GSK3B: variants seen among roughly 807,000 people sequenced by gnomAD.
GSK3B encodes glycogen synthase kinase 3 beta.
In GSK3B, 15 loss-of-function variants were observed where a neutral mutation model predicts 56.4. That is an observed-to-expected ratio of 0.27 (90% CI 0.18 to 0.41). GSK3B has a LOEUF of 0.41. GSK3B is among the 10% of genes least tolerant of loss of function. The pLI is 1.00. For missense variants in GSK3B, 300 were observed against 513.4 expected, an observed-to-expected ratio of 0.58 and a Z score of 4.02; for synonymous variants, 181 against 188.9, an observed-to-expected ratio of 0.96 and a Z score of 0.34.
At chr3:120,071,190 C>T (rs1390269161) in intron 1 of GSK3B, among the ~76,000 whole-genome samples, 1 of 152,194 alleles carries the variant, frequency 6.6e-6, no homozygotes. Flanking sequence ...GGCCAAAGGA[C>T]TTTCACATCG....
chr3:120,044,001 C>T (rs980921369), intron 1 of GSK3B, among the ~76,000 whole-genome samples: 12 of 152,186 alleles, frequency 7.9e-5, no homozygotes, highest in Non-Finnish European at 4.4e-5. Context: ...AAATTCTGTC[C>T]GCACATTAAA....
intron 1 of GSK3B, among the ~76,000 whole-genome samples, chr3:120,017,985 C>G (rs985684148): frequency 6.6e-6 from 1 of 152,208 alleles, no homozygotes; most frequent in Non-Finnish European, 1.5e-5. Context: ...GTCAATTCAA[C>G]AGATTGAGAA....
intron 1 of GSK3B, among the ~76,000 whole-genome samples, chr3:120,072,954 A>G (rs2058338378): frequency 6.6e-6 from 1 of 152,184 alleles, no homozygotes; most frequent in Non-Finnish European, 1.5e-5. Context: ...GTACATTCGC[A>G]TACTCTTAGG....
intron 1 of GSK3B, among the ~76,000 whole-genome samples, chr3:120,070,730 A>G (rs776133990): frequency 2.7e-4 from 41 of 152,180 alleles, no homozygotes; most frequent in Non-Finnish European, 5.1e-4. Flanking sequence ...TTCTTCCCTA[A>G]GTAGGGCAGC....
intron 3 of GSK3B, among the ~76,000 whole-genome samples, chr3:119,945,198 T>C (rs922485211): frequency 3.3e-5 from 5 of 152,206 alleles, no homozygotes; most frequent in African/African-American, 9.6e-5. Flanking sequence ...ATTTCCTTTA[T>C]TGACAAAGAA....
At chr3:119,888,437 G>A (rs1224637690) in intron 7 of GSK3B, among the ~76,000 whole-genome samples, 1 of 151,158 alleles carries the variant, frequency 6.6e-6, no homozygotes. Context: ...ACATTTATCA[G>A]TTCCCCAAAT....
intron 3 of GSK3B, among the ~76,000 whole-genome samples, chr3:119,928,101 G>C (rs980730180): frequency 2.0e-5 from 3 of 152,202 alleles, no homozygotes; most frequent in Non-Finnish European, 1.5e-5. Flanking sequence ...CAAGTGAGCA[G>C]GTGGCAGATG....
intron 8 of GSK3B, among the ~76,000 whole-genome samples, chr3:119,875,158 C>T (rs1443723520): frequency 6.6e-6 from 1 of 151,976 alleles, no homozygotes; most frequent in Non-Finnish European, 1.5e-5. Flanking sequence ...ATAATTCTGG[C>T]ACTAAAATAC....
intron 7 of GSK3B, among the ~76,000 whole-genome samples, chr3:119,887,870 A>G (rs2056456574): frequency 6.6e-6 from 1 of 152,150 alleles, no homozygotes; most frequent in Non-Finnish European, 1.5e-5. Context: ...CACATTATAG[A>G]CAGGGTATAT....
intron 8 of GSK3B, among the ~76,000 whole-genome samples, chr3:119,871,259 A>G (rs1296689420): frequency 6.6e-6 from 1 of 152,222 alleles, no homozygotes; most frequent in Non-Finnish European, 1.5e-5. Flanking sequence ...AGCCAGTTAG[A>G]AACACTAGTA....
Position 120,051,013 on chromosome 3 carries a change from T to TG in GSK3B, c.88+42333dup, listed in dbSNP as rs754378497. ...GAAAAGCAGTTTGAGTGAAGTGTTA[T>TG]GGGTCACTGTAGCTAAATTAAACTA... is the stretch of plus-strand genomic sequence containing the variant. On this transcript the variant is annotated intron_variant, in intron 1 of 10. Transcript: ENST00000264235. Among the ~76,000 whole-genome samples the TG allele has an allele frequency of 3.9e-4, 59 of 152,238 alleles. 1 individual carries two copies. Among genetic ancestry groups the TG allele is most frequent in the Middle Eastern group, 3.4e-3 (1 of 294 alleles).
intron 1 of GSK3B, among the ~76,000 whole-genome samples, chr3:120,006,741 A>G (rs764365007): frequency 7.9e-5 from 12 of 152,216 alleles, no homozygotes; most frequent in Non-Finnish European, 1.8e-4. Flanking sequence ...AACATACCAG[A>G]ATCTCTGGAA....
intron 1 of GSK3B, among the ~76,000 whole-genome samples, chr3:120,082,212 G>C (rs1364303131): frequency 6.6e-6 from 1 of 151,660 alleles, no homozygotes; most frequent in Admixed American, 6.6e-5. Flanking sequence ...AAAAACAAAG[G>C]CATAAATCAA....
chr3:119,833,675 T>C (rs1049538798), intron 10 of GSK3B, among the ~76,000 whole-genome samples: 10 of 150,776 alleles, frequency 6.6e-5, no homozygotes, highest in Non-Finnish European at 1.3e-4. Context: ...TAAGTACACT[T>C]GGAAACATTA....
At chr3:119,968,682 A>T (rs1216021578) in intron 2 of GSK3B, among the ~76,000 whole-genome samples, 1 of 152,234 alleles carries the variant, frequency 6.6e-6, no homozygotes. Context: ...GCTACAAAGC[A>T]AAATTGTGTA....
At chr3:120,059,267 C>G (rs1251731318) in intron 1 of GSK3B, among the ~76,000 whole-genome samples, 1 of 152,176 alleles carries the variant, frequency 6.6e-6, no homozygotes, top group Non-Finnish European at 1.5e-5. Flanking sequence ...AAGCAGCACT[C>G]TGGAACAAAC....
chr3:120,093,454 C>T lies in GSK3B; in HGVS notation c.-20G>A. ...TGACATGATCACTCTCTTCGCGAAT[C>T]ACCTTTTCCTTCCTTCCTCCTTTTC... On this transcript the variant is annotated 5_prime_UTR_variant, in exon 1 of 11. Coordinates refer to ENST00000264235, the MANE Select transcript of GSK3B (RefSeq NM_001146156.2). 6.5e-7 allele frequency: 1 copy of T among 1,537,556 alleles called. No homozygotes were observed. Among genetic ancestry groups the T allele is most frequent in the Non-Finnish European group, 9.0e-7 (1 of 1,110,558 alleles).
rs530883476 is a variant in GSK3B at position 120,023,372 on chromosome 3, T to C, written c.89-21133A>G. ...GTACTTTCATGCATCCTAGATGAAA[T>C]TGTAATAAAAGTTAACTACAAAACA... On this transcript the variant is annotated intron_variant, in intron 1 of 10. Coordinates refer to ENST00000264235, the MANE Select transcript of GSK3B (RefSeq NM_001146156.2). Among the ~76,000 whole-genome samples the C allele has an allele frequency of 8.6e-5, 13 of 150,912 alleles. No homozygotes were observed. In the South Asian group the frequency reaches 2.1e-3, roughly 25 times the overall value.
intron 1 of GSK3B, among the ~76,000 whole-genome samples, chr3:120,058,584 T>C (rs1400780891): frequency 6.6e-6 from 1 of 152,086 alleles, no homozygotes; most frequent in East Asian, 1.9e-4. Flanking sequence ...AAAAAAAACC[T>C]GGTTTGAAAT....
Sources: gnomAD v4.1 joint callset for allele counts (sites outside exome capture counted in the v4.1 genomes callset) on GRCh38, gnomAD v4.1.1 for gene constraint, MANE v1.5 for transcripts, NCBI Gene and HGNC (gene_info 2026-07-23, HGNC 2026-07-21) for gene names.